PLPP3: variants seen among roughly 807,000 people sequenced by gnomAD.
The protein encoded by PLPP3 is PAP2 beta.
Under a neutral mutation model 29.6 loss-of-function variants are expected in PLPP3, and 6 were observed. The ratio of observed to expected loss-of-function variants is 0.20; its 90% CI spans 0.11 to 0.40. The LOEUF is 0.40. Ranked by LOEUF, PLPP3 falls within the 10% of genes least tolerant of loss-of-function variation. PLPP3 has a pLI of 1.00. For missense variants in PLPP3, 308 were observed against 407.7 expected, an observed-to-expected ratio of 0.76 and a Z score of 2.11; for synonymous variants, 152 against 159.7, an observed-to-expected ratio of 0.95 and a Z score of 0.36.
chr1:56,568,695 G>C (rs760166527), intron 1 of PLPP3, among the ~76,000 whole-genome samples: 4 of 151,978 alleles, frequency 2.6e-5, no homozygotes, highest in African/African-American at 9.7e-5. Context: ...GCGTGATCTC[G>C]GCTTACTGCA....
chr1:56,533,974 G>A (rs948697592), intron 2 of PLPP3, among the ~76,000 whole-genome samples: 3 of 152,166 alleles, frequency 2.0e-5, no homozygotes, highest in African/African-American at 7.2e-5. Flanking sequence ...AGATTCATCC[G>A]TGACTCAACC....
At chr1:56,563,615 C>G (rs375422022) in intron 1 of PLPP3, among the ~76,000 whole-genome samples, 2 of 152,278 alleles carry the variant, frequency 1.3e-5, no homozygotes, top group South Asian at 4.1e-4. Context: ...GTGACCAGCT[C>G]AAAGCAGATT....
Position 56,551,305 on chromosome 1 carries a change from G to A in PLPP3, c.140-14193C>T, listed in dbSNP as rs978400395. Among the ~76,000 whole-genome samples the A allele has an allele frequency of 3.3e-5, 5 of 150,294 alleles. 1 individual carries two copies. The highest frequency in any genetic ancestry group is 9.8e-5 in the African/African-American group (4 of 40,830). On this transcript the variant is annotated intron_variant, in intron 1 of 5. Transcript: ENST00000371250. ...GGTTTGGTTTGGTTCGGTTCGGTTC[G>A]GTTCGGTTCGGTTCGGTTTGGTGGT...
chr1:56,504,243 C>G (rs571582549), intron 5 of PLPP3, among the ~76,000 whole-genome samples: 1 of 152,148 alleles, frequency 6.6e-6, no homozygotes. Flanking sequence ...AGTGGGAGGA[C>G]GGCTTGAGCC....
chr1:56,527,356 T>C (rs1414755315), intron 2 of PLPP3, among the ~76,000 whole-genome samples: 5 of 152,210 alleles, frequency 3.3e-5, no homozygotes, highest in Non-Finnish European at 5.9e-5. Flanking sequence ...AAGAAGATAT[T>C]CCATTCTACA....
intron 1 of PLPP3, among the ~76,000 whole-genome samples, chr1:56,575,864 T>C (rs1572058): frequency 0.082 from 12,524 of 152,242 alleles, 956 homozygotes; most frequent in East Asian, 0.24. Flanking sequence ...AATCGTCTGT[T>C]GCTCTCCTGT....
At chr1:56,550,951 A>T (rs1646034028) in intron 1 of PLPP3, among the ~76,000 whole-genome samples, 1 of 152,144 alleles carries the variant, frequency 6.6e-6, no homozygotes, top group South Asian at 2.1e-4. Context: ...AGGGGAGAGC[A>T]AGGCCCCCGG....
At chr1:56,507,170 G>C (rs894846855) in intron 5 of PLPP3, among the ~76,000 whole-genome samples, 2 of 152,188 alleles carry the variant, frequency 1.3e-5, no homozygotes, top group Non-Finnish European at 2.9e-5. Flanking sequence ...AAAGTTCTCG[G>C]CTGTCATGCC....
At chr1:56,513,938 A>G (rs956227355) in intron 4 of PLPP3, among the ~76,000 whole-genome samples, 2 of 152,152 alleles carry the variant, frequency 1.3e-5, no homozygotes, top group East Asian at 3.9e-4. Context: ...AGAAGTTGAT[A>G]TGTAAATACT....
intron 1 of PLPP3, among the ~76,000 whole-genome samples, chr1:56,569,291 GC>G (rs1646181904): frequency 6.6e-6 from 1 of 151,942 alleles, no homozygotes; most frequent in Admixed American, 6.6e-5. Context: ...TCCTGCCTCA[GC>G]CTCCTGATTA....
chr1:56,496,926 A>T (rs1432354243), intron 5 of PLPP3, among the ~76,000 whole-genome samples: 3 of 152,040 alleles, frequency 2.0e-5, no homozygotes, highest in African/African-American at 7.3e-5. Context: ...ACTTCTAAGG[A>T]CTCTCAGTCC....
At position 56,555,982 on chromosome 1, in the gene PLPP3, T is replaced by C. The variant is rs184824552; in HGVS notation, c.140-18870A>G. On this transcript the variant is annotated intron_variant, in intron 1 of 5. Coordinates refer to ENST00000371250, the MANE Select transcript of PLPP3 (RefSeq NM_003713.5). ...GGAAGACATTTTTTTTCCCCCTGGT[T>C]CACAGTATTTTCTATTCATGAGTAG... is the stretch of plus-strand genomic sequence containing the variant. Among the ~76,000 whole-genome samples, 8 of 152,324 alleles carry C rather than the reference T, an allele frequency of 5.3e-5. No individual in the cohort carries two copies. The East Asian group carries it at 1.5e-3, about 29-fold the overall frequency.
intron 5 of PLPP3, 93 bp downstream of exon 5, chr1:56,511,883 G>T: frequency 6.7e-7 from 1 of 1,496,554 alleles, no homozygotes; most frequent in Non-Finnish European, 9.2e-7. Flanking sequence ...GGACAGGAAC[G>T]AGGGCTCTCT....
intron 4 of PLPP3, among the ~76,000 whole-genome samples, chr1:56,514,777 A>G (rs1052749575): frequency 6.6e-6 from 1 of 152,214 alleles, no homozygotes; most frequent in African/African-American, 2.4e-5. Context: ...CATGCAAAGC[A>G]CTGAGTACCA....
At chr1:56,543,789 T>C (rs1249758607) in intron 1 of PLPP3, among the ~76,000 whole-genome samples, 1 of 152,202 alleles carries the variant, frequency 6.6e-6, no homozygotes, top group Non-Finnish European at 1.5e-5. Flanking sequence ...AGGTCTTCCT[T>C]AGCAATTGCT....
intron 1 of PLPP3, among the ~76,000 whole-genome samples, chr1:56,556,622 CA>C (rs1414858102): frequency 6.7e-6 from 1 of 150,230 alleles, no homozygotes; most frequent in Non-Finnish European, 1.5e-5. Flanking sequence ...ATGCTAGTGT[CA>C]AAAATGACTT....
chr1:56,559,556 ATT>A (rs35349205), intron 1 of PLPP3, among the ~76,000 whole-genome samples: 1 of 145,204 alleles, frequency 6.9e-6, no homozygotes, highest in African/African-American at 2.5e-5. Flanking sequence ...CCAGCCTTGA[ATT>A]TTTTTTTTTT....
intron 1 of PLPP3, among the ~76,000 whole-genome samples, chr1:56,571,698 C>T (rs183793426): frequency 6.9e-4 from 105 of 152,186 alleles, no homozygotes; most frequent in African/African-American, 2.4e-3. Flanking sequence ...ACTCCACTGC[C>T]CAATAATATC....
At chr1:56,577,364 GT>G (rs1646243420) in intron 1 of PLPP3, among the ~76,000 whole-genome samples, 1 of 152,154 alleles carries the variant, frequency 6.6e-6, no homozygotes, top group South Asian at 2.1e-4. Flanking sequence ...GTTGAGAGAC[GT>G]GGAAATGGGA....
Sources: gnomAD v4.1 joint callset for allele counts (sites outside exome capture counted in the v4.1 genomes callset) on GRCh38, gnomAD v4.1.1 for gene constraint, MANE v1.5 for transcripts, NCBI Gene and HGNC (gene_info 2026-07-23, HGNC 2026-07-21) for gene names.